ZNF91: variants seen among roughly 807,000 people sequenced by gnomAD.
ZNF91 encodes the protein zinc finger protein 91, also known as zinc finger protein 91 (HPF7, HTF10).
In ZNF91, 7 loss-of-function variants were observed where a neutral mutation model predicts 12.6. The ratio of observed to expected loss-of-function variants is 0.55; its 90% CI spans 0.31 to 1.04. The LOEUF is 1.04. ZNF91 is among the 50% of genes least tolerant of loss of function. The pLI, the probability that ZNF91 is intolerant of heterozygous loss-of-function variation, is 0.05. For missense variants in ZNF91, 1,217 were observed against 1,385.4 expected (o/e 0.88, Z 1.93); for synonymous variants, 453 against 462.6 (o/e 0.98, Z 0.27).
intron 1 of ZNF91, among the ~76,000 whole-genome samples, chr19:23,393,890 C>T (rs1970148288): frequency 6.6e-6 from 1 of 152,056 alleles, no homozygotes; most frequent in Admixed American, 6.6e-5. Flanking sequence ...AGTCCAGCTA[C>T]TTGGGAGACT....
chr19:23,345,575 C>T (rs1247576179), intron 3 of ZNF91, among the ~76,000 whole-genome samples: 1 of 152,140 alleles, frequency 6.6e-6, no homozygotes, highest in Non-Finnish European at 1.5e-5. Flanking sequence ...CCTCTGTTCT[C>T]ACCACCCAGA....
chr19:23,363,247 C>A (rs117438896), intron 3 of ZNF91, among the ~76,000 whole-genome samples: 1,904 of 152,252 alleles, frequency 0.013, 22 homozygotes, highest in Middle Eastern at 0.034. Context: ...AATAGTAGCC[C>A]ATTCATTTTT....
At chr19:23,327,031 T>G (rs1967849796) in intron 1 of ZNF91, 1 of 152,220 alleles carries the variant, frequency 6.6e-6, no homozygotes. Context: ...AGCTCCAATG[T>G]GTGAACCCGT....
chr19:23,386,153 G>A (rs896295562), intron 1 of ZNF91, among the ~76,000 whole-genome samples: 4 of 152,058 alleles, frequency 2.6e-5, no homozygotes, highest in African/African-American at 9.7e-5. Flanking sequence ...AATGCTTAAA[G>A]AAGTCAGAAA....
chr19:23,357,789 C>G lies in ZNF91; in HGVS notation c.*1614G>C, dbSNP rs1027499785. ...AATTTAATTGTACATTTAAAAATAACTAAAACTGTAGAATTGAATTATTTG... is the reference window on the plus strand; with the variant it reads ...AATTTAATTGTACATTTAAAAATAAGTAAAACTGTAGAATTGAATTATTTG... On this transcript the variant is annotated 3_prime_UTR_variant, in exon 4 of 4. Transcript: ENST00000300619. The G allele has an allele frequency of 6.6e-6, 1 of 152,024 alleles. No individual in the cohort carries two copies. The highest frequency in any genetic ancestry group is 2.4e-5 in the African/African-American group (1 of 41,406). The allele number at this position is 152,024 out of a possible 1,614,324, so 9.4% of individuals were successfully genotyped here. A position where few individuals can be genotyped will look rare whatever the true frequency, so the allele number is the denominator to read the frequency against.
At chr19:23,388,228 A>T (rs1969941480) in intron 1 of ZNF91, among the ~76,000 whole-genome samples, 1 of 152,138 alleles carries the variant, frequency 6.6e-6, no homozygotes, top group Non-Finnish European at 1.5e-5. Flanking sequence ...CCTGGGCAAC[A>T]GAGTGAGACC....
At chr19:23,384,064 G>A (rs941338184) in intron 1 of ZNF91, among the ~76,000 whole-genome samples, 16 of 152,190 alleles carry the variant, frequency 1.1e-4, no homozygotes, top group African/African-American at 3.9e-4. Flanking sequence ...TAGCGAGATC[G>A]TGCCACTACC....
intron 1 of ZNF91, among the ~76,000 whole-genome samples, chr19:23,316,166 ATT>A (rs34486796): frequency 1.5e-4 from 21 of 137,626 alleles, no homozygotes; most frequent in Non-Finnish European, 1.4e-4. Flanking sequence ...AGGTGAGGTG[ATT>A]TTTTTTTTTT....
intron 1 of ZNF91, among the ~76,000 whole-genome samples, chr19:23,322,185 A>G (rs1374227364): frequency 2.0e-5 from 3 of 152,120 alleles, no homozygotes; most frequent in Non-Finnish European, 2.9e-5. Flanking sequence ...CTTCTTCCTG[A>G]GCCCTACCCA....
rs995357944 is a variant in ZNF91, at chr19:23,373,371, TATATATATATATATAA to T, written c.253+355_253+370del. 7.1e-4 allele frequency among the ~76,000 whole-genome samples: 60 copies of T among 84,612 alleles called. No homozygotes were observed. The East Asian group carries it at 0.011, about 15-fold the overall frequency. The allele number at this position is 84,612 out of a possible 152,430, so 55.5% of individuals were successfully genotyped here. A position where few individuals can be genotyped will look rare whatever the true frequency, so the allele number is the denominator to read the frequency against. On this transcript the variant is annotated intron_variant, in intron 3 of 3. Transcript: ENST00000300619. ...TTATATATATATATATATATATATA[TATATATATATATATAA>T]ATAAACAGTACTTTAAAACCTGTTT...
In ZNF91 at chr19:23,361,530, T is replaced by C; in HGVS notation, c.1449A>G (p.Ile483Met). The C allele has an allele frequency of 6.2e-7, 1 of 1,612,694 alleles. No individual in the cohort carries two copies. The highest frequency in any genetic ancestry group is 8.5e-7 in the Non-Finnish European group (1 of 1,179,484). ...WSSTLTRHKR[I>M]HTGEKPYKCE... is the part of the protein sequence containing the mutation. ...ATTTGTAGGGCTTCTCTCCAGTGTG[T>C]ATCCTCTTATGTCTAGTTAGGGTTG... Residue 483 changes from isoleucine (I) to methionine (M), a missense_variant, in exon 4 of 4, where the codon ATA becomes ATG. Transcript: ENST00000300619.
chr19:23,332,434 C>CA (rs1967942629), intron 1 of ZNF91, among the ~76,000 whole-genome samples: 1 of 151,990 alleles, frequency 6.6e-6, no homozygotes, highest in South Asian at 2.1e-4. Flanking sequence ...CGTGAGAAAA[C>CA]AGAGACCCAG....
At chr19:23,371,202 C>T (rs1241381665) in intron 3 of ZNF91, among the ~76,000 whole-genome samples, 3 of 151,916 alleles carry the variant, frequency 2.0e-5, no homozygotes, top group Admixed American at 6.6e-5. Flanking sequence ...CAAAATTAGC[C>T]GGGCATGGTG....
intron 1 of ZNF91, among the ~76,000 whole-genome samples, chr19:23,323,099 C>T (rs1343650310): frequency 2.1e-5 from 3 of 145,624 alleles, no homozygotes; most frequent in Non-Finnish European, 1.5e-5. Flanking sequence ...CCTCCCCTCC[C>T]CTTGTCTCCT....
downstream of ZNF91, among the ~76,000 whole-genome samples, chr19:23,353,067 C>A (rs1968406421): frequency 6.6e-6 from 1 of 152,236 alleles, no homozygotes; most frequent in East Asian, 1.9e-4. Context: ...AGAAAGACAA[C>A]AAAGAAACAA....
chr19:23,311,392 G>T (rs1967469002), upstream of ZNF91, among the ~76,000 whole-genome samples: 1 of 152,034 alleles, frequency 6.6e-6, no homozygotes, highest in Non-Finnish European at 1.5e-5. Flanking sequence ...TGCTCACAGA[G>T]GCATTACGAT....
intron 1 of ZNF91, among the ~76,000 whole-genome samples, chr19:23,375,056 A>C (rs558409281): frequency 6.6e-6 from 1 of 152,316 alleles, no homozygotes; most frequent in Non-Finnish European, 1.5e-5. Flanking sequence ...TGAGTGTTAT[A>C]TTTACATAAT....
At chr19:23,350,691 C>T (rs1390103609) in intron 3 of ZNF91, among the ~76,000 whole-genome samples, 1 of 152,114 alleles carries the variant, frequency 6.6e-6, no homozygotes, top group African/African-American at 2.4e-5. Context: ...AGGTGCAAGG[C>T]CACTTGTCCA....
At chr19:23,314,730 G>T (rs1967524549), upstream of ZNF91, among the ~76,000 whole-genome samples, 1 of 152,166 alleles carries the variant, frequency 6.6e-6, no homozygotes, top group Non-Finnish European at 1.5e-5. Flanking sequence ...TTCTTCCTGG[G>T]CTCTTTTTTC....
Sources: allele counts gnomAD v4.1 joint callset (sites outside exome capture counted in the v4.1 genomes callset), GRCh38; gene constraint gnomAD v4.1.1; transcripts MANE v1.5; gene names NCBI Gene and HGNC (gene_info 2026-07-23, HGNC 2026-07-21).